KCNIP3: variants seen among roughly 807,000 people sequenced by gnomAD.
The protein encoded by KCNIP3 is potassium voltage-gated channel interacting protein 3, also known as calsenilin.
A neutral mutation model predicts 35.0 loss-of-function variants in KCNIP3; 28 were observed. The observed-to-expected ratio is 0.80, with a 90% CI of 0.59 to 1.10. The LOEUF (loss-of-function observed/expected upper bound fraction) is 1.10, where lower values mean the gene tolerates loss of function less well. Among genes scored for constraint, KCNIP3 ranks in the 50% least tolerant of loss-of-function variants. The pLI is 0.00. For synonymous variants in KCNIP3, 134 were observed against 133.8 expected, an observed-to-expected ratio of 1.00 and a Z score of -0.01; for missense variants, 295 against 338.4, an observed-to-expected ratio of 0.87 and a Z score of 1.01.
rs199864911 is a variant in KCNIP3, at chr2:95,346,164, C to T, written c.182-28132C>T. On this transcript the variant is annotated intron_variant, in intron 2 of 8. Transcript: ENST00000295225. ...GGGGCCAGCCTGGGCCCAGTTTAAT[C>T]TCCGGCGGAGGACCGGGGTTGCGGG... Among the ~76,000 whole-genome samples the T allele has an allele frequency of 1.2e-3, 182 of 152,330 alleles. 1 individual carries two copies. In the South Asian group the frequency reaches 0.014, roughly 12 times the overall value.
intron 2 of KCNIP3, among the ~76,000 whole-genome samples, chr2:95,357,409 G>T (rs1008453209): frequency 6.6e-6 from 1 of 152,182 alleles, no homozygotes; most frequent in Non-Finnish European, 1.5e-5. Flanking sequence ...TGGATGCCCT[G>T]CCTGCCTCTT....
chr2:95,344,541 G>GCTATAAACTTCGATGCT (rs1679299545), intron 2 of KCNIP3, among the ~76,000 whole-genome samples: 1 of 152,238 alleles, frequency 6.6e-6, no homozygotes, highest in Non-Finnish European at 1.5e-5. Flanking sequence ...TATAGCTCAG[G>GCTATAAACTTCGATGCT]GTTTATAGGC....
At chr2:95,345,886 C>T (rs1471536647) in intron 2 of KCNIP3, among the ~76,000 whole-genome samples, 1 of 152,246 alleles carries the variant, frequency 6.6e-6, no homozygotes, top group East Asian at 1.9e-4. Context: ...CATGCCCTTG[C>T]CCTGCCCGTG....
At chr2:95,360,071 G>T (rs1275839306) in intron 2 of KCNIP3, among the ~76,000 whole-genome samples, 1 of 151,596 alleles carries the variant, frequency 6.6e-6, no homozygotes, top group Non-Finnish European at 1.5e-5. Context: ...GATATTAAAA[G>T]AAACCACACA....
intron 2 of KCNIP3, among the ~76,000 whole-genome samples, chr2:95,335,232 T>G (rs1414201275): frequency 7.2e-5 from 11 of 152,366 alleles, no homozygotes; most frequent in African/African-American, 2.6e-4. Context: ...TGGGAAATTT[T>G]ACCTGTTCAG....
intron 3 of KCNIP3, 36 bp downstream of exon 3, chr2:95,374,456 A>C (rs752936055): frequency 5.6e-6 from 9 of 1,608,278 alleles, no homozygotes; most frequent in Non-Finnish European, 8.5e-7. Flanking sequence ...GAGGCCTTGG[A>C]GACCCTGGCT....
At chr2:95,379,191 C>G (rs1282083141) in intron 5 of KCNIP3, among the ~76,000 whole-genome samples, 1 of 152,176 alleles carries the variant, frequency 6.6e-6, no homozygotes, top group African/African-American at 2.4e-5. Flanking sequence ...GTTCAGCTTT[C>G]CAACAGACTC....
intron 2 of KCNIP3, among the ~76,000 whole-genome samples, chr2:95,335,439 G>A (rs913465409): frequency 2.0e-5 from 3 of 152,126 alleles, no homozygotes; most frequent in Non-Finnish European, 4.4e-5. Context: ...GGTTTTTGTT[G>A]TGAAATCTAC....
At chr2:95,340,572 C>T (rs1222685520) in intron 2 of KCNIP3, among the ~76,000 whole-genome samples, 1 of 152,172 alleles carries the variant, frequency 6.6e-6, no homozygotes, top group Non-Finnish European at 1.5e-5. Context: ...TTTCTGTTGC[C>T]AGCAATTTCG....
At chr2:95,346,653 G>A (rs1356023620) in intron 2 of KCNIP3, 2 of 145,628 alleles carry the variant, frequency 1.4e-5, no homozygotes, top group African/African-American at 2.5e-5. Flanking sequence ...TGGAGAGGGG[G>A]CGACAGAGGC....
At chr2:95,316,471 G>T (rs1364275829) in intron 2 of KCNIP3, among the ~76,000 whole-genome samples, 1 of 152,238 alleles carries the variant, frequency 6.6e-6, no homozygotes, top group Non-Finnish European at 1.5e-5. Flanking sequence ...GAAACATGGG[G>T]TGAGGCGGTG....
chr2:95,310,311 C>G lies in KCNIP3; in HGVS notation c.16-44C>G, dbSNP rs369238634. On this transcript the variant is annotated intron_variant, in intron 1 of 8. Coordinates refer to ENST00000295225, the MANE Select transcript of KCNIP3 (RefSeq NM_013434.5). Reference sequence around the variant, plus strand: ...GCTCGGGACCATCCAGGGGTCCCCCCTCTGAGCAGGGGCTCAGGGCTGCTC... The same window carrying G: ...GCTCGGGACCATCCAGGGGTCCCCCGTCTGAGCAGGGGCTCAGGGCTGCTC... The G allele has an allele frequency of 1.1e-5, 18 of 1,612,904 alleles. No homozygotes were observed. The African/African-American group carries it at 1.9e-4, about 17-fold the overall frequency.
intron 2 of KCNIP3, among the ~76,000 whole-genome samples, chr2:95,329,937 G>A (rs1558765373): frequency 2.6e-5 from 4 of 152,184 alleles, no homozygotes; most frequent in Admixed American, 2.0e-4. Context: ...CTTCGCCCCC[G>A]CTCTGGTCCC....
intron 2 of KCNIP3, among the ~76,000 whole-genome samples, chr2:95,340,272 G>T (rs879861389): frequency 1.1e-4 from 16 of 152,218 alleles, no homozygotes; most frequent in Non-Finnish European, 2.1e-4. Context: ...GGAGGCAGAG[G>T]TTGCAGTGAG....
rs770295067 is a variant in KCNIP3 at position 95,382,506 on chromosome 2, G to A, written c.660+25G>A. 6.5e-7 allele frequency: 1 copy of A among 1,548,404 alleles called. No individual in the cohort carries two copies. Among genetic ancestry groups the A allele is most frequent in the Non-Finnish European group, 8.8e-7 (1 of 1,139,890 alleles). On this transcript the variant is annotated intron_variant, in intron 7 of 8. Coordinates refer to ENST00000295225, the MANE Select transcript of KCNIP3 (RefSeq NM_013434.5). This position sits in a 1 kb window ranked among gnomAD's most constrained non-coding sequence, Gnocchi z 4.5. Reference sequence around the variant, plus strand: ...GGTGAGCGAGCGCCAGCCCTGCCTAGGGAGGGGAGCCTGGCAGAGGAAGGG... The same window carrying A: ...GGTGAGCGAGCGCCAGCCCTGCCTAAGGAGGGGAGCCTGGCAGAGGAAGGG...
At chr2:95,326,620 GT>G (rs1212830499) in intron 2 of KCNIP3, among the ~76,000 whole-genome samples, 1 of 152,228 alleles carries the variant, frequency 6.6e-6, no homozygotes, top group Admixed American at 6.5e-5. Context: ...CATGGTGGGG[GT>G]TGCTCTTGAC....
At chr2:95,346,264 C>T (rs1385651468) in intron 2 of KCNIP3, among the ~76,000 whole-genome samples, 1 of 151,650 alleles carries the variant, frequency 6.6e-6, no homozygotes, top group East Asian at 2.0e-4. Flanking sequence ...CGGGGCGGGC[C>T]GGGATCAGCG....
intron 8 of KCNIP3, 73 bp from the exon 9 acceptor site, chr2:95,383,929 G>A (rs186585410): frequency 9.1e-6 from 12 of 1,320,876 alleles, no homozygotes; most frequent in African/African-American, 1.4e-5. Context: ...AGTCCCTGGC[G>A]GGAATCTGCT....
rs76353341 is a variant in KCNIP3, at chr2:95,376,258, G to A, written c.447+1050G>A. ...CCTTTCCCTGCCCCTCTCTCCTGGG[G>A]TGCCCTTTAAGAGGCACCTGACACT... On this transcript the variant is annotated intron_variant, in intron 5 of 8. Transcript: ENST00000295225. The surrounding 1 kb of genome is among the most constrained non-coding windows in gnomAD (Gnocchi z 4.2). Among the ~76,000 whole-genome samples the A allele has an allele frequency of 7.9e-4, 120 of 152,310 alleles. No individual in the cohort carries two copies. Among genetic ancestry groups the A allele is most frequent in the African/African-American group, 2.8e-3 (115 of 41,572 alleles).
Sources: allele counts gnomAD v4.1 joint callset (sites outside exome capture counted in the v4.1 genomes callset), GRCh38; gene constraint gnomAD v4.1.1; non-coding constraint Gnocchi (gnomAD v3.1); transcripts MANE v1.5; gene names NCBI Gene and HGNC (gene_info 2026-07-23, HGNC 2026-07-21).